Variants in SH3PXD2B observed in about 807,000 individuals in gnomAD.
SH3PXD2B encodes SH3 and PX domain-containing protein 2B.
In SH3PXD2B, 37 loss-of-function variants were observed where a neutral mutation model predicts 73.1. That is an observed-to-expected ratio of 0.51 (90% CI 0.39 to 0.67). SH3PXD2B has a LOEUF of 0.67. Ranked by LOEUF, SH3PXD2B falls within the 30% of genes least tolerant of loss-of-function variation. The pLI is 0.00. For missense variants in SH3PXD2B, 1,053 were observed against 1,197.8 expected, an observed-to-expected ratio of 0.88 and a Z score of 1.78; for synonymous variants, 457 against 480.5, an observed-to-expected ratio of 0.95 and a Z score of 0.64.
chr5:172,448,640 T>C (rs568960789), intron 1 of SH3PXD2B, among the ~76,000 whole-genome samples: 40 of 152,338 alleles, frequency 2.6e-4, no homozygotes, highest in African/African-American at 9.6e-4. Flanking sequence ...GCTAGCAGTT[T>C]TATTCTTCCC....
intron 5 of SH3PXD2B, among the ~76,000 whole-genome samples, chr5:172,380,833 T>C (rs957165944): frequency 3.3e-5 from 5 of 152,210 alleles, no homozygotes; most frequent in African/African-American, 1.2e-4. Flanking sequence ...ACTCGCTCCG[T>C]GCTCGTCACA....
downstream of SH3PXD2B, chr5:172,333,418 CTGTT>C: frequency 1.1e-6 from 1 of 874,370 alleles, no homozygotes; most frequent in Non-Finnish European, 1.4e-6. Context: ...GCATAGGTTT[CTGTT>C]CTTTGATCCC....
Position 172,338,849 on chromosome 5 carries a change from C to T in SH3PXD2B, c.2256G>A (p.Gln752=), listed in dbSNP as rs1488951850. 2 of 1,613,144 alleles carry T rather than the reference C, an allele frequency of 1.2e-6. No individual in the cohort carries two copies. Among genetic ancestry groups the T allele is most frequent in the Non-Finnish European group, 1.7e-6 (2 of 1,179,290 alleles). The change falls in exon 13 of 13, where the codon CAG becomes CAA. Residue 752 remains glutamine (Q), a synonymous_variant. Coordinates refer to ENST00000311601, the MANE Select transcript of SH3PXD2B (RefSeq NM_001017995.3). The surrounding 1 kb of genome is among the most constrained non-coding windows in gnomAD (Gnocchi z 5.1). The stretch of plus-strand genomic sequence containing the variant: ...TGCGGGGTGGGACCACAGGTCTCTG[C>T]TGGGGAGCCTCTTGGAGAGGAACAG... The part of the protein sequence containing the change: ...SVPVPLQEAP[Q]QRPVVPPRRP...
Position 172,336,140 on chromosome 5 carries a change from A to G in SH3PXD2B, c.*2229T>C. Reference sequence around the variant, plus strand: ...TCCCAGTCTACTCAGCACCTAGCACAGAGTAGACACTCACAAAGTATCTGA... The same window carrying G: ...TCCCAGTCTACTCAGCACCTAGCACGGAGTAGACACTCACAAAGTATCTGA... On this transcript the variant is annotated 3_prime_UTR_variant, in exon 13 of 13. Coordinates refer to ENST00000311601, the MANE Select transcript of SH3PXD2B (RefSeq NM_001017995.3). 1 of 986,820 alleles carries G rather than the reference A, an allele frequency of 1.0e-6. No individual in the cohort carries two copies. The highest frequency in any genetic ancestry group is 1.2e-6 in the Non-Finnish European group (1 of 830,894). 61.1% of individuals were successfully genotyped at this position (986,820 alleles called of 1,614,324 possible).
chr5:172,334,922 T>G lies in SH3PXD2B; in HGVS notation c.*3447A>C. 1.0e-6 allele frequency: 1 copy of G among 985,438 alleles called. No homozygotes were observed. The highest frequency in any genetic ancestry group is 1.7e-5 in the African/African-American group (1 of 57,352). The allele number at this position is 985,438 out of a possible 1,614,324, so 61.0% of individuals were successfully genotyped here. On this transcript the variant is annotated 3_prime_UTR_variant, in exon 13 of 13. Coordinates refer to ENST00000311601, the MANE Select transcript of SH3PXD2B (RefSeq NM_001017995.3). ...AACATTGACTTGGAAATTGATTCTATGGCGTGGCCTTGTGGCAGAGGTTTA... is the reference window on the plus strand; with the variant it reads ...AACATTGACTTGGAAATTGATTCTAGGGCGTGGCCTTGTGGCAGAGGTTTA...
At chr5:172,453,690 G>A (rs1312535084) in intron 1 of SH3PXD2B, among the ~76,000 whole-genome samples, 2 of 152,250 alleles carry the variant, frequency 1.3e-5, no homozygotes, top group African/African-American at 4.8e-5. Flanking sequence ...TAAAACAGAA[G>A]TTACTGGAGA....
intron 7 of SH3PXD2B, among the ~76,000 whole-genome samples, chr5:172,361,812 C>T (rs979198752): frequency 1.3e-5 from 2 of 152,190 alleles, no homozygotes; most frequent in African/African-American, 2.4e-5. Context: ...GCGCTGGTCT[C>T]GTGACTAATG....
intron 1 of SH3PXD2B, among the ~76,000 whole-genome samples, chr5:172,447,841 T>C (rs189131673): frequency 2.3e-4 from 34 of 149,676 alleles, no homozygotes; most frequent in Non-Finnish European, 4.3e-4. Context: ...CCATTGAGGA[T>C]GACCGGCCAG....
Position 172,333,722 on chromosome 5 carries a change from G to C in SH3PXD2B, c.*4647C>G, listed in dbSNP as rs1257135653. 7 of 1,289,368 alleles carry C rather than the reference G, an allele frequency of 5.4e-6. No homozygotes were observed. Among genetic ancestry groups the C allele is most frequent in the Non-Finnish European group, 6.1e-6 (6 of 988,870 alleles). The allele number at this position is 1,289,368 out of a possible 1,614,324, so 79.9% of individuals were successfully genotyped here. On this transcript the variant is annotated 3_prime_UTR_variant, in exon 13 of 13. Transcript: ENST00000311601. Reference sequence around the variant, plus strand: ...GGTAGAGTAAGTGTGGGGATCTCCAGCGTCATCCTATGAGCAGACACGAGG... The same window carrying C: ...GGTAGAGTAAGTGTGGGGATCTCCACCGTCATCCTATGAGCAGACACGAGG...
rs1305439065 is a variant in SH3PXD2B, at chr5:172,337,148, T to A, written c.*1221A>T. On this transcript the variant is annotated 3_prime_UTR_variant, in exon 13 of 13. Transcript: ENST00000311601. ...CCAGGACCCTGGCATTCTCCTGTCA[T>A]GGAGATGCAGCTGTTGAGTCCAGGG... The A allele has an allele frequency of 3.8e-5, 37 of 985,422 alleles. No individual in the cohort carries two copies. Among genetic ancestry groups the A allele is most frequent in the Admixed American group, 6.1e-5 (1 of 16,276 alleles). 61.0% of individuals were successfully genotyped at this position (985,422 alleles called of 1,614,324 possible).
intron 3 of SH3PXD2B, 95 bp from the exon 4 acceptor site, chr5:172,394,734 G>A (rs1758258642): frequency 1.5e-6 from 2 of 1,334,682 alleles, no homozygotes; most frequent in Non-Finnish European, 2.1e-6. Context: ...CCTAGGGTAG[G>A]TCTGAGTGGT....
In SH3PXD2B at chr5:172,338,916, G is replaced by T. The variant is rs766153965; in HGVS notation, c.2189C>A (p.Pro730Gln). ...AGGATCTGTGGTCTTGGCTGGCCTC[G>T]GAGGGGCTCTGCAGGAAATCTCTTT... ...SPKEISCRAP[P>Q]RPAKTTDPVS... Residue 730 changes from proline (P) to glutamine (Q), a missense_variant, in exon 13 of 13, where the codon CCG becomes CAG. Pro to Gln is a moderately conservative substitution (Grantham distance 76). Coordinates refer to ENST00000311601, the MANE Select transcript of SH3PXD2B (RefSeq NM_001017995.3). This position sits in a 1 kb window ranked among gnomAD's most constrained non-coding sequence, Gnocchi z 5.1. The T allele has an allele frequency of 8.1e-6, 13 of 1,614,068 alleles. No individual in the cohort carries two copies. The highest frequency in any genetic ancestry group is 3.3e-5 in the Admixed American group (2 of 60,018).
chr5:172,327,517 C>T (rs1048551939), intron 12 of SH3PXD2B, among the ~76,000 whole-genome samples: 1 of 152,160 alleles, frequency 6.6e-6, no homozygotes, highest in African/African-American at 2.4e-5. Flanking sequence ...CCTTCAGGCA[C>T]GCTCAATTTT....
downstream of SH3PXD2B, among the ~76,000 whole-genome samples, chr5:172,332,289 T>C (rs1756572572): frequency 6.6e-6 from 1 of 150,838 alleles, no homozygotes; most frequent in Non-Finnish European, 1.5e-5. Flanking sequence ...AGTCTTGCTC[T>C]GTCATCCAGG....
At chr5:172,331,076 T>A (rs1282681386), downstream of SH3PXD2B, among the ~76,000 whole-genome samples, 1 of 152,144 alleles carries the variant, frequency 6.6e-6, no homozygotes, top group Non-Finnish European at 1.5e-5. Context: ...ACGCCTGTAA[T>A]CCCAGCTACT....
rs1349159915 is a variant in SH3PXD2B, at chr5:172,348,624, A to ATC, written c.1013-1293_1013-1292insGA. 6.3e-3 allele frequency among the ~76,000 whole-genome samples: 609 copies of ATC among 97,166 alleles called. 12 individuals are homozygous for ATC. The highest frequency in any genetic ancestry group is 0.031 in the African/African-American group (577 of 18,796). 63.7% of individuals were successfully genotyped at this position (97,166 alleles called of 152,430 possible). ...TTTGTTTTAGCATCTGAATCTATCT[A>ATC]TGTATCTATCTATGTATCTATCTAT... On this transcript the variant is annotated intron_variant, in intron 10 of 12. Coordinates refer to ENST00000311601, the MANE Select transcript of SH3PXD2B (RefSeq NM_001017995.3).
chr5:172,393,443 T>A (rs1226783073), intron 4 of SH3PXD2B, among the ~76,000 whole-genome samples: 1 of 152,204 alleles, frequency 6.6e-6, no homozygotes, highest in Non-Finnish European at 1.5e-5. Flanking sequence ...GTCCTAATAT[T>A]TTTTTGATGG....
At chr5:172,344,982 A>G (rs1182480482) in intron 12 of SH3PXD2B, among the ~76,000 whole-genome samples, 1 of 148,344 alleles carries the variant, frequency 6.7e-6, no homozygotes, top group Non-Finnish European at 1.5e-5. Context: ...AGAGAAAGAA[A>G]GAAGGAGGAA....
rs566284779 is a variant in SH3PXD2B, at chr5:172,375,594, G to T, written c.402-1779C>A. ...CTATTCTGGATGTTTCATATAAATA[G>T]AATCATATAATGTGTGGCCTTTTGT... On this transcript the variant is annotated intron_variant, in intron 5 of 12. Transcript: ENST00000311601. Among the ~76,000 whole-genome samples the T allele has an allele frequency of 2.6e-5, 4 of 152,282 alleles. No homozygotes were observed. The East Asian group carries it at 7.7e-4, about 29-fold the overall frequency.
Sources: allele counts gnomAD v4.1 joint callset (sites outside exome capture counted in the v4.1 genomes callset), GRCh38; gene constraint gnomAD v4.1.1; non-coding constraint Gnocchi (gnomAD v3.1); transcripts MANE v1.5; gene names NCBI Gene and HGNC (gene_info 2026-07-23, HGNC 2026-07-21).